DMXL1: variants seen among roughly 807,000 people sequenced by gnomAD.
DMXL1 encodes the protein Dmx like 1, also known as dmX-like protein 1.
A neutral mutation model predicts 319.2 loss-of-function variants in DMXL1; 99 were observed. That is an observed-to-expected ratio of 0.31 (90% CI 0.26 to 0.37). DMXL1 has a LOEUF of 0.37. Ranked by LOEUF, DMXL1 falls within the 10% of genes least tolerant of loss-of-function variation. DMXL1 has a pLI of 1.00. For synonymous variants in DMXL1, 1,385 were observed against 1,235.2 expected, an observed-to-expected ratio of 1.12 and a Z score of -2.54; for missense variants, 3,745 against 3,595.6, an observed-to-expected ratio of 1.04 and a Z score of -1.06.
chr5:119,089,623 T>C (rs1754244637), intron 1 of DMXL1, among the ~76,000 whole-genome samples: 1 of 115,416 alleles, frequency 8.7e-6, no homozygotes, highest in Non-Finnish European at 1.7e-5. Flanking sequence ...TTTTTGGTAC[T>C]GCCTTTTTTT....
intron 9 of DMXL1, among the ~76,000 whole-genome samples, chr5:119,126,037 T>TC (rs1297702299): frequency 1.3e-5 from 2 of 152,134 alleles, no homozygotes; most frequent in African/African-American, 4.8e-5. Flanking sequence ...ACATCTCTAA[T>TC]CCCAGCACTT....
At chr5:119,080,933 A>C (rs1375096268) in intron 1 of DMXL1, among the ~76,000 whole-genome samples, 2 of 152,178 alleles carry the variant, frequency 1.3e-5, no homozygotes, top group Non-Finnish European at 2.9e-5. Context: ...CTAGGCAAAA[A>C]AGATGTAAAT....
At chr5:119,211,517 A>G (rs573152175) in intron 34 of DMXL1, among the ~76,000 whole-genome samples, 2 of 152,336 alleles carry the variant, frequency 1.3e-5, no homozygotes, top group Admixed American at 6.5e-5. Flanking sequence ...ATGTTGCCCT[A>G]TTAAAATATG....
In DMXL1 at chr5:119,149,019, T is replaced by C. The variant is rs1413553671; in HGVS notation, c.3192T>C (p.Pro1064=). The C allele has an allele frequency of 6.2e-7, 1 of 1,613,924 alleles. No homozygotes were observed. The highest frequency in any genetic ancestry group is 8.5e-7 in the Non-Finnish European group (1 of 1,179,866). Reference sequence around the variant, plus strand: ...GTTTAGCAGTAGCTTATAAGCAGCCTGCATCTAATAGTAGATCTTCCCAGG... The same window carrying C: ...GTTTAGCAGTAGCTTATAAGCAGCCCGCATCTAATAGTAGATCTTCCCAGG... The part of the protein sequence containing the change: ...TNRLAVAYKQ[P]ASNSRSSQDF... Residue 1064 remains proline, a synonymous_variant, in exon 18 of 44, where the codon CCT becomes CCC. Transcript: ENST00000539542.
At chr5:119,230,840 C>T (rs553509928) in intron 38 of DMXL1, among the ~76,000 whole-genome samples, 77 of 152,294 alleles carry the variant, frequency 5.1e-4, no homozygotes, top group Non-Finnish European at 7.8e-4. Flanking sequence ...CGAGATCACA[C>T]GATTGCACTC....
Position 119,164,516 on chromosome 5 carries a change from C to T in DMXL1, c.4712C>T (p.Thr1571Ile), listed in dbSNP as rs1255090510. The change falls in exon 20 of 44, where the codon ACA becomes ATA. Residue 1571 changes from threonine to isoleucine, a missense_variant. By Grantham distance (89) the Thr-to-Ile change is moderately conservative. Around this residue, in one of 4 missense-constraint regions of DMXL1, gnomAD observed 2,096 missense variants for 1,985.4 expected, o/e 1.06. Coordinates refer to ENST00000539542, the MANE Select transcript of DMXL1 (RefSeq NM_001290321.3). The part of the protein sequence containing the change: ...RAQLLHQGLS[T>I]SHFAWAFHSV... Reference sequence around the variant, plus strand: ...TTTTACATTTCTTCAGGCCTGTCTACAAGTCATTTTGCTTGGGCATTTCAC... The same window carrying T: ...TTTTACATTTCTTCAGGCCTGTCTATAAGTCATTTTGCTTGGGCATTTCAC... 1 of 1,613,598 alleles carries T rather than the reference C, an allele frequency of 6.2e-7. No individual in the cohort carries two copies. Among genetic ancestry groups the T allele is most frequent in the East Asian group, 2.2e-5 (1 of 44,878 alleles).
At chr5:119,131,444 C>T (rs969899632) in intron 10 of DMXL1, among the ~76,000 whole-genome samples, 12 of 152,040 alleles carry the variant, frequency 7.9e-5, no homozygotes, top group Admixed American at 6.6e-5. Context: ...GATGCCATAC[C>T]AGTTACAAGT....
rs1394136592 is a variant in DMXL1, at chr5:119,199,657, G to A, written c.7745+1701G>A. Among the ~76,000 whole-genome samples the A allele has an allele frequency of 2.0e-5, 3 of 152,204 alleles. No homozygotes were observed. In the East Asian group the frequency reaches 5.8e-4, roughly 29 times the overall value. On this transcript the variant is annotated intron_variant, in intron 32 of 43. Transcript: ENST00000539542. ...GAATCGCCATACTGCTTTCCACAATGATTGAAGTAATTTACACTCCCACTG... is the reference window on the plus strand; with the variant it reads ...GAATCGCCATACTGCTTTCCACAATAATTGAAGTAATTTACACTCCCACTG...
chr5:119,092,037 C>T (rs1182556154), intron 1 of DMXL1, among the ~76,000 whole-genome samples: 1 of 152,164 alleles, frequency 6.6e-6, no homozygotes, highest in Non-Finnish European at 1.5e-5. Context: ...ACCATAATCT[C>T]CCTTTTTCCA....
At chr5:119,123,727 C>G (rs955313052) in intron 9 of DMXL1, among the ~76,000 whole-genome samples, 16 of 18,140 alleles carry the variant, frequency 8.8e-4, no homozygotes, top group African/African-American at 3.6e-3. Context: ...AACTCTTGGC[C>G]TCAAGCAATC....
intron 10 of DMXL1, among the ~76,000 whole-genome samples, chr5:119,129,994 ACT>A (rs560593944): frequency 9.2e-5 from 14 of 152,002 alleles, no homozygotes; most frequent in African/African-American, 3.4e-4. Flanking sequence ...GTAGTTCCTG[ACT>A]CTGTAGCCTT....
intron 7 of DMXL1, among the ~76,000 whole-genome samples, chr5:119,117,594 A>G (rs1159839163): frequency 6.6e-6 from 1 of 152,052 alleles, no homozygotes; most frequent in Admixed American, 6.6e-5. Context: ...GAGGTAGGGG[A>G]CAGAAGGAGA....
chr5:119,229,171 A>AG (rs1291241832), intron 38 of DMXL1, among the ~76,000 whole-genome samples: 1 of 151,608 alleles, frequency 6.6e-6, no homozygotes, highest in African/African-American at 2.4e-5. Flanking sequence ...AAAAAAAAAA[A>AG]AGACAAAAAA....
chr5:119,098,878 C>A (rs909763071), intron 2 of DMXL1, among the ~76,000 whole-genome samples: 3 of 152,108 alleles, frequency 2.0e-5, no homozygotes, highest in Non-Finnish European at 4.4e-5. Context: ...TGTAAGGAAT[C>A]AAAATGGTCA....
intron 29 of DMXL1, 27 bp downstream of exon 29, chr5:119,189,913 A>G (rs1561835159): frequency 1.3e-6 from 2 of 1,571,856 alleles, no homozygotes; most frequent in South Asian, 2.3e-5. Context: ...CTAGATCAAT[A>G]TTTTCATAGT....
chr5:119,222,442 T>C (rs1407701251), intron 37 of DMXL1, among the ~76,000 whole-genome samples: 1 of 152,196 alleles, frequency 6.6e-6, no homozygotes, highest in Non-Finnish European at 1.5e-5. Flanking sequence ...GACAGATATG[T>C]TACAATTCAT....
At chr5:119,146,724 G>A (rs1768627862) in intron 15 of DMXL1, 113 bp from the exon 16 acceptor site, 2 of 1,030,138 alleles carry the variant, frequency 1.9e-6, no homozygotes, top group Non-Finnish European at 1.4e-6. Flanking sequence ...TGAAGCCTTA[G>A]GTAAAAGTTT....
At position 119,148,714 on chromosome 5, in the gene DMXL1, T is replaced by C. The variant is rs754116989; in HGVS notation, c.2912-25T>C. The C allele has an allele frequency of 3.8e-6, 6 of 1,581,130 alleles. No homozygotes were observed. The Admixed American group carries it at 1.1e-4, about 28-fold the overall frequency. ...AAGTATTTAACCAAATTTGACATTTTGTTAACGGATTATTTTTATTTTAGG... is the reference window on the plus strand; with the variant it reads ...AAGTATTTAACCAAATTTGACATTTCGTTAACGGATTATTTTTATTTTAGG... On this transcript the variant is annotated intron_variant, in intron 17 of 43. Coordinates refer to ENST00000539542, the MANE Select transcript of DMXL1 (RefSeq NM_001290321.3).
At chr5:119,097,582 T>C (rs1320426718) in intron 1 of DMXL1, among the ~76,000 whole-genome samples, 2 of 152,154 alleles carry the variant, frequency 1.3e-5, no homozygotes, top group African/African-American at 4.8e-5. Context: ...CCGGGCGTGG[T>C]GGTGGGCACC....
Sources: allele counts gnomAD v4.1 joint callset (sites outside exome capture counted in the v4.1 genomes callset), GRCh38; gene constraint gnomAD v4.1.1; regional missense constraint gnomAD v4.1.1; transcripts MANE v1.5; gene names NCBI Gene and HGNC (gene_info 2026-07-23, HGNC 2026-07-21).